The following SLC5A1 variants were observed in gnomAD, a reference collection of about 807,000 sequenced individuals.
SLC5A1 encodes the protein solute carrier family 5 member 1.
A neutral mutation model predicts 73.5 loss-of-function variants in SLC5A1; 42 were observed. The observed-to-expected ratio is 0.57, with a 90% CI of 0.45 to 0.74. SLC5A1 has a LOEUF of 0.74. SLC5A1 is among the 30% of genes least tolerant of loss of function. The probability of loss-of-function intolerance (pLI) is 0.00; values close to 1 mark genes in which losing one functional copy is unlikely to be tolerated. For missense variants in SLC5A1, 634 were observed against 855.4 expected, an observed-to-expected ratio of 0.74 and a Z score of 3.23; for synonymous variants, 300 against 317.4, an observed-to-expected ratio of 0.95 and a Z score of 0.58.
At chr22:32,096,942 C>T (rs1356933260) in intron 11 of SLC5A1, among the ~76,000 whole-genome samples, 1 of 152,230 alleles carries the variant, frequency 6.6e-6, no homozygotes, top group Non-Finnish European at 1.5e-5. Flanking sequence ...CAAAGGAGAT[C>T]TGACTGTGCC....
chr22:32,105,011 G>A, intron 14 of SLC5A1, 120 bp downstream of exon 14: 5 of 766,560 alleles, frequency 6.5e-6, no homozygotes, highest in Non-Finnish European at 1.1e-5. Flanking sequence ...CTCCAGGGCA[G>A]TGAGGAGTAG....
chr22:32,056,022 T>TTTG (rs1284518619), intron 2 of SLC5A1, among the ~76,000 whole-genome samples: 4 of 152,114 alleles, frequency 2.6e-5, no homozygotes, highest in Non-Finnish European at 4.4e-5. Context: ...GCGTATGTTT[T>TTTG]TTGTTGTTGT....
intron 9 of SLC5A1, 46 bp downstream of exon 9, chr22:32,085,081 C>G: frequency 6.2e-7 from 1 of 1,610,730 alleles, no homozygotes; most frequent in Non-Finnish European, 8.5e-7. Context: ...CTTTTTCTGT[C>G]TCCAAGTCAC....
At chr22:32,053,940 C>A (rs1373783667) in intron 2 of SLC5A1, among the ~76,000 whole-genome samples, 2 of 152,066 alleles carry the variant, frequency 1.3e-5, no homozygotes, top group Admixed American at 1.3e-4. Flanking sequence ...TTTGGCAGGC[C>A]GAGGCAGGCA....
intron 5 of SLC5A1, among the ~76,000 whole-genome samples, chr22:32,081,577 A>C (rs1347948661): frequency 1.3e-5 from 2 of 152,178 alleles, no homozygotes; most frequent in African/African-American, 4.8e-5. Flanking sequence ...CTTGGCAAAA[A>C]GAGTTCAATA....
At chr22:32,089,374 T>A (rs1362132094) in intron 10 of SLC5A1, among the ~76,000 whole-genome samples, 2 of 152,194 alleles carry the variant, frequency 1.3e-5, no homozygotes, top group African/African-American at 4.8e-5. Context: ...CCATAAATTA[T>A]TTAAAGATAT....
rs767060839 is a variant in SLC5A1, at chr22:32,091,687, G to A, written c.1205G>A (p.Ser402Asn). 1.2e-6 allele frequency: 2 copies of A among 1,614,040 alleles called. No individual in the cohort carries two copies. The highest frequency in any genetic ancestry group is 1.7e-6 in the Non-Finnish European group (2 of 1,179,946). Residue 402 changes from serine to asparagine, a missense_variant, in exon 11 of 15, where the codon AGC (serine) becomes AAC (asparagine). Ser to Asn is a conservative substitution (Grantham distance 46). Coordinates refer to ENST00000266088, the MANE Select transcript of SLC5A1 (RefSeq NM_000343.4). ...CTGACCTCCATCTTCAACAGCGCCAGCACCCTCTTCACCATGGACATCTAC... is the reference window on the plus strand; with the variant it reads ...CTGACCTCCATCTTCAACAGCGCCAACACCCTCTTCACCATGGACATCTAC... The part of the protein sequence containing the change: ...SSLTSIFNSA[S>N]TLFTMDIYAK...
intron 5 of SLC5A1, among the ~76,000 whole-genome samples, chr22:32,080,666 G>A (rs531909042): frequency 4.6e-5 from 7 of 152,300 alleles, no homozygotes; most frequent in South Asian, 4.1e-4. Context: ...ATTCCATCTA[G>A]GGAAGTCCAG....
At chr22:32,105,141 G>T (rs1036773079) in intron 14 of SLC5A1, among the ~76,000 whole-genome samples, 15 of 152,214 alleles carry the variant, frequency 9.9e-5, no homozygotes, top group Middle Eastern at 3.4e-3. Context: ...TTGTGAGTAC[G>T]TAGTAGGTGT....
intron 5 of SLC5A1, among the ~76,000 whole-genome samples, chr22:32,068,898 A>C (rs1950780249): frequency 6.6e-6 from 1 of 152,136 alleles, no homozygotes; most frequent in South Asian, 2.1e-4. Flanking sequence ...ATGATCCAGC[A>C]ATCTCACTAC....
intron 5 of SLC5A1, 71 bp from the exon 6 acceptor site, chr22:32,081,795 G>C: frequency 1.1e-6 from 1 of 902,352 alleles, no homozygotes; most frequent in South Asian, 1.3e-5. Flanking sequence ...AAAATCAGGA[G>C]TAGAGAGACT....
intron 1 of SLC5A1, among the ~76,000 whole-genome samples, chr22:32,047,088 C>CT (rs1264990574): frequency 1.3e-5 from 2 of 152,220 alleles, no homozygotes; most frequent in East Asian, 3.9e-4. Flanking sequence ...TGTTCACAGA[C>CT]TTTCATTTGG....
In SLC5A1 at chr22:32,113,003, A is replaced by T. The variant is rs1275398924; in HGVS notation, c.*2790A>T. ...ATATATAATTATTATTTGTGAATTT[A>T]AAAAATAAAAATAATTTCCAAAAAA... On this transcript the variant is annotated 3_prime_UTR_variant, in exon 15 of 15. Coordinates refer to ENST00000266088, the MANE Select transcript of SLC5A1 (RefSeq NM_000343.4). 1 of 152,204 alleles carries T rather than the reference A, an allele frequency of 6.6e-6. No individual in the cohort carries two copies. Among genetic ancestry groups the T allele is most frequent in the Admixed American group, 6.5e-5 (1 of 15,280 alleles). 9.4% of individuals were successfully genotyped at this position (152,204 alleles called of 1,614,324 possible). A position where few individuals can be genotyped will look rare whatever the true frequency, so the allele number is the denominator to read the frequency against.
chr22:32,084,301 G>C, intron 7 of SLC5A1, 138 bp from the exon 8 acceptor site: 1 of 739,684 alleles, frequency 1.4e-6, no homozygotes, highest in Non-Finnish European at 2.4e-6. Flanking sequence ...AGAATGGGAA[G>C]GTGATTTGCC....
At chr22:32,060,611 C>T (rs2093960845) in intron 2 of SLC5A1, among the ~76,000 whole-genome samples, 1 of 152,076 alleles carries the variant, frequency 6.6e-6, no homozygotes, top group Admixed American at 6.6e-5. Flanking sequence ...TATTCTGTCC[C>T]CCCAATTGCA....
intron 1 of SLC5A1, among the ~76,000 whole-genome samples, chr22:32,046,214 A>G (rs2093936953): frequency 6.6e-6 from 1 of 152,112 alleles, no homozygotes. Flanking sequence ...CTGGGACAAG[A>G]ATCAAGGTCT....
In SLC5A1 at chr22:32,102,106, A is replaced by G. The variant is rs1443779677; in HGVS notation, c.1534A>G (p.Met512Val). The change falls in exon 13 of 15, where the codon ATG becomes GTG. Residue 512 changes from methionine (M) to valine (V), a missense_variant. Physicochemically the swap from Met to Val is conservative, Grantham distance 21 (BLOSUM62 1). Around this residue, in one of 3 missense-constraint regions of SLC5A1, gnomAD observed 422 missense variants for 626.1 expected, o/e 0.67. Coordinates refer to ENST00000266088, the MANE Select transcript of SLC5A1 (RefSeq NM_000343.4). Reference protein sequence around the residue: ...TEFAYGTGSCMEPSNCPTIIC... With the variant: ...TEFAYGTGSCVEPSNCPTIIC... ...GTTTGCTTATGGAACCGGGAGCTGC[A>G]TGGAGCCCAGCAACTGTCCCACGAT... 1.2e-6 allele frequency: 2 copies of G among 1,614,034 alleles called. No homozygotes were observed. The highest frequency in any genetic ancestry group is 1.7e-5 in the Admixed American group (1 of 60,004).
chr22:32,060,069 A>G (rs2093958709), intron 2 of SLC5A1, among the ~76,000 whole-genome samples: 1 of 147,820 alleles, frequency 6.8e-6, no homozygotes, highest in Non-Finnish European at 1.5e-5. Context: ...ACACACACAT[A>G]TATATATACA....
chr22:32,076,183 T>A (rs2093990649), intron 5 of SLC5A1, among the ~76,000 whole-genome samples: 2 of 152,152 alleles, frequency 1.3e-5, no homozygotes, highest in African/African-American at 4.8e-5. Flanking sequence ...TACAGGGCAT[T>A]GTAGGTGCAG....
Sources: gnomAD v4.1 joint callset for allele counts (sites outside exome capture counted in the v4.1 genomes callset) on GRCh38, gnomAD v4.1.1 for gene constraint, gnomAD v4.1.1 regional missense constraint, MANE v1.5 for transcripts, NCBI Gene and HGNC (gene_info 2026-07-23, HGNC 2026-07-21) for gene names.